Variants in TFAP2A observed in about 807,000 individuals in gnomAD.
TFAP2A encodes transcription factor AP-2 alpha, also known as transcription factor AP-2-alpha.
TFAP2A carries 7 observed loss-of-function variants against 41.5 expected under a neutral mutation model. That is an observed-to-expected ratio of 0.17 (90% CI 0.10 to 0.32). The LOEUF is 0.32. Among genes scored for constraint, TFAP2A ranks in the 10% least tolerant of loss-of-function variants. The pLI is 1.00. For synonymous variants in TFAP2A, 247 were observed against 242.8 expected (o/e 1.02, Z -0.16); for missense variants, 416 against 563.3 (o/e 0.74, Z 2.65).
chr6:10,397,493 C>T lies in TFAP2A; in HGVS notation c.*924G>A, dbSNP rs1761811868. 1 of 151,774 alleles carries T rather than the reference C, an allele frequency of 6.6e-6. No homozygotes were observed. Among genetic ancestry groups the T allele is most frequent in the Non-Finnish European group, 1.5e-5 (1 of 67,970 alleles). The allele number at this position is 151,774 out of a possible 1,614,324, so 9.4% of individuals were successfully genotyped here. On this transcript the variant is annotated 3_prime_UTR_variant, in exon 7 of 7. Transcript: ENST00000379613. The stretch of plus-strand genomic sequence containing the variant: ...TTTATTTTACTTTTTAAAAATTTGT[C>T]CAGCTGTTTGTCACCTTTAACATGC...
intron 1 of TFAP2A, 79 bp downstream of exon 1, chr6:10,414,862 G>T: frequency 6.3e-7 from 1 of 1,590,470 alleles, no homozygotes; most frequent in Non-Finnish European, 8.6e-7. Flanking sequence ...GCAGCTGGTT[G>T]CAAGGAGAGG....
intron 2 of TFAP2A, 21 bp from the exon 3 acceptor site, chr6:10,406,865 T>G (rs1269020940): frequency 1.9e-6 from 3 of 1,588,232 alleles, no homozygotes; most frequent in East Asian, 2.2e-5. Flanking sequence ...AGGATACACA[T>G]GGATGTAAGT....
chr6:10,412,161 CA>C, intron 1 of TFAP2A: 1 of 989,068 alleles, frequency 1.0e-6, no homozygotes, highest in Non-Finnish European at 1.2e-6. Context: ...CTCAGTGTAG[CA>C]AATCGGAGTG....
chr6:10,397,880 C>T lies in TFAP2A; in HGVS notation c.*537G>A, dbSNP rs919528845. 5 of 982,588 alleles carry T rather than the reference C, an allele frequency of 5.1e-6. No individual in the cohort carries two copies. The highest frequency in any genetic ancestry group is 5.2e-4 in the Middle Eastern group (1 of 1,928). The allele number at this position is 982,588 out of a possible 1,614,324, so 60.9% of individuals were successfully genotyped here. A position where few individuals can be genotyped will look rare whatever the true frequency, so the allele number is the denominator to read the frequency against. ...GTGTATTTGTGTTCAAGTTTATTCACAATACTGATAAAAATGTTGTCATCA... is the reference window on the plus strand; with the variant it reads ...GTGTATTTGTGTTCAAGTTTATTCATAATACTGATAAAAATGTTGTCATCA... On this transcript the variant is annotated 3_prime_UTR_variant, in exon 7 of 7. Coordinates refer to ENST00000379613, the MANE Select transcript of TFAP2A (RefSeq NM_001372066.1).
At chr6:10,417,746 G>A (rs1163700576), upstream of TFAP2A, among the ~76,000 whole-genome samples, 1 of 152,070 alleles carries the variant, frequency 6.6e-6, no homozygotes, top group African/African-American at 2.4e-5. Context: ...CATCAGATTC[G>A]GCCCCTCCGG....
intron 2 of TFAP2A, chr6:10,409,064 G>T (rs1757837038): frequency 6.6e-6 from 1 of 152,120 alleles, no homozygotes; most frequent in South Asian, 2.1e-4. Flanking sequence ...TAGAATTGAA[G>T]CAGAGGTACT....
rs759300800 is a variant in TFAP2A, at chr6:10,411,584, T to C, written c.52-1249A>G. ...ATGGGACTCACCATGGCTGAAAAAC[T>C]GTGAACTAACATCTGCGAAGAGTCT... On this transcript the variant is annotated intron_variant, in intron 1 of 6. Coordinates refer to ENST00000379613, the MANE Select transcript of TFAP2A (RefSeq NM_001372066.1). 2.5e-6 allele frequency: 4 copies of C among 1,613,926 alleles called. No homozygotes were observed. The highest frequency in any genetic ancestry group is 3.4e-6 in the Non-Finnish European group (4 of 1,179,940).
chr6:10,400,993 T>G (rs1376965339), intron 5 of TFAP2A, among the ~76,000 whole-genome samples: 1 of 152,256 alleles, frequency 6.6e-6, no homozygotes. Context: ...GGTTACATTT[T>G]AACTTGATCA....
chr6:10,419,508 C>A, upstream of TFAP2A: 2 of 1,609,188 alleles, frequency 1.2e-6, 1 homozygote, highest in East Asian at 4.5e-5. Flanking sequence ...AGGGCTCGGT[C>A]GGGCCAGCTC....
chr6:10,410,356 A>G, intron 1 of TFAP2A, 21 bp from the exon 2 acceptor site: 2 of 1,597,608 alleles, frequency 1.3e-6, no homozygotes, highest in Non-Finnish European at 8.5e-7. Context: ...GCGAGAGGAA[A>G]GGTAAAGAAC....
At chr6:10,406,909 T>C in intron 2 of TFAP2A, 65 bp from the exon 3 acceptor site, 3 of 1,271,756 alleles carry the variant, frequency 2.4e-6, no homozygotes, top group Non-Finnish European at 3.5e-6. Context: ...GAATATTCCC[T>C]GCAAGATGGG....
At position 10,409,826 on chromosome 6, in the gene TFAP2A, T is replaced by C. The variant is rs772492858; in HGVS notation, c.486+75A>G. 8.0e-6 allele frequency: 12 copies of C among 1,501,300 alleles called. No individual in the cohort carries two copies. The Middle Eastern group carries it at 5.0e-4, about 63-fold the overall frequency. The allele number at this position is 1,501,300 out of a possible 1,614,324, so 93.0% of individuals were successfully genotyped here. On this transcript the variant is annotated intron_variant, in intron 2 of 6. Transcript: ENST00000379613. ...GGAGAACCCGGGCCCACCGACTGTATGTTCCAGGTATCCTTTCTGGGGTAG... is the reference window on the plus strand; with the variant it reads ...GGAGAACCCGGGCCCACCGACTGTACGTTCCAGGTATCCTTTCTGGGGTAG...
chr6:10,406,622 CA>C, intron 3 of TFAP2A, 170 bp downstream of exon 3: 1 of 655,848 alleles, frequency 1.5e-6, no homozygotes, highest in Admixed American at 2.3e-5. Context: ...TTGGCATTAC[CA>C]ACATACTGAA....
intron 1 of TFAP2A, chr6:10,411,101 C>T (rs1757947996): frequency 6.9e-6 from 1 of 145,776 alleles, no homozygotes; most frequent in Non-Finnish European, 1.5e-5. Flanking sequence ...AAACGCCTGA[C>T]TTTAGGTTTC....
upstream of TFAP2A, among the ~76,000 whole-genome samples, chr6:10,417,679 T>A (rs1046964581): frequency 6.6e-6 from 1 of 151,934 alleles, no homozygotes; most frequent in South Asian, 2.1e-4. Context: ...CCAGAACGAC[T>A]CTCTTTTCTC....
intron 1 of TFAP2A, chr6:10,412,229 G>T (rs559734334): frequency 6.3e-5 from 62 of 987,812 alleles, no homozygotes; most frequent in Non-Finnish European, 7.2e-5. Flanking sequence ...GCGAGCGCGC[G>T]GGGGGCCGCG....
upstream of TFAP2A, chr6:10,419,502 CTCGG>C: frequency 1.2e-6 from 2 of 1,612,454 alleles, no homozygotes; most frequent in Non-Finnish European, 1.7e-6. Flanking sequence ...GGCTGGAGGG[CTCGG>C]TCGGGCCAGC....
Position 10,398,230 on chromosome 6 carries a change from A to G in TFAP2A, c.*187T>C, listed in dbSNP as rs2113996545. 1.3e-6 allele frequency: 2 copies of G among 1,487,628 alleles called. No homozygotes were observed. The highest frequency in any genetic ancestry group is 2.7e-5 in the South Asian group (2 of 75,178). 92.2% of individuals were successfully genotyped at this position (1,487,628 alleles called of 1,614,324 possible). On this transcript the variant is annotated 3_prime_UTR_variant, in exon 7 of 7. Coordinates refer to ENST00000379613, the MANE Select transcript of TFAP2A (RefSeq NM_001372066.1). This position sits in a 1 kb window ranked among gnomAD's most constrained non-coding sequence, Gnocchi z 5.3. ...GGTGCAGAGTCGGAGAGGCTGCCCCACTGACAGTCGAGAGGGCAGTCCCGG... is the reference window on the plus strand; with the variant it reads ...GGTGCAGAGTCGGAGAGGCTGCCCCGCTGACAGTCGAGAGGGCAGTCCCGG...
chr6:10,416,568 C>G (rs1758252740), upstream of TFAP2A: 1 of 152,218 alleles, frequency 6.6e-6, no homozygotes, highest in East Asian at 1.9e-4. Context: ...AACTCCTTAA[C>G]TACACTAGGT....
Sources: gnomAD v4.1 joint callset for allele counts (sites outside exome capture counted in the v4.1 genomes callset) on GRCh38, gnomAD v4.1.1 for gene constraint, Gnocchi (gnomAD v3.1) non-coding constraint, MANE v1.5 for transcripts, NCBI Gene and HGNC (gene_info 2026-07-23, HGNC 2026-07-21) for gene names.